The following SPAG16 variants were observed in gnomAD, a reference collection of about 807,000 sequenced individuals.
SPAG16 encodes sperm-associated antigen 16 protein.
A neutral mutation model predicts 80.4 loss-of-function variants in SPAG16; 86 were observed. The ratio of observed to expected loss-of-function variants is 1.07; its 90% CI spans 0.90 to 1.28. SPAG16 has a LOEUF of 1.28. Among genes scored for constraint, SPAG16 ranks in the 50% most tolerant of loss-of-function variants. SPAG16 has a pLI of 0.00. For missense variants in SPAG16, 870 were observed against 765.3 expected (o/e 1.14, Z -1.61); for synonymous variants, 294 against 265.9 (o/e 1.11, Z -1.03).
chr2:213,286,000 C>G, intron 1 of SPAG16: 2 of 1,000,812 alleles, frequency 2.0e-6, no homozygotes, highest in Non-Finnish European at 2.7e-6. Context: ...GAGATTGACA[C>G]AATGAGGTAA....
intron 10 of SPAG16, among the ~76,000 whole-genome samples, chr2:213,756,786 G>T (rs922726942): frequency 6.6e-6 from 1 of 151,832 alleles, no homozygotes; most frequent in African/African-American, 2.4e-5. Flanking sequence ...TTTATATGAA[G>T]AAAGTAAAGC....
At chr2:213,709,867 A>G (rs1436988621) in intron 10 of SPAG16, among the ~76,000 whole-genome samples, 1 of 152,234 alleles carries the variant, frequency 6.6e-6, no homozygotes, top group African/African-American at 2.4e-5. Context: ...CTAAATGCTA[A>G]TCATTAATTC....
intron 15 of SPAG16, among the ~76,000 whole-genome samples, chr2:214,380,321 C>A (rs149968786): frequency 2.3e-4 from 35 of 152,272 alleles, no homozygotes; most frequent in African/African-American, 8.2e-4. Context: ...ATTTGAAAAG[C>A]ATTTCCAGTT....
chr2:213,506,552 C>T (rs943057661), intron 10 of SPAG16, among the ~76,000 whole-genome samples: 2 of 152,122 alleles, frequency 1.3e-5, no homozygotes, highest in African/African-American at 2.4e-5. Flanking sequence ...GATTAGAAAT[C>T]CTTCCTCATC....
intron 13 of SPAG16, among the ~76,000 whole-genome samples, chr2:214,079,622 G>A (rs1233759429): frequency 6.6e-6 from 1 of 152,156 alleles, no homozygotes; most frequent in African/African-American, 2.4e-5. Context: ...GCAGTGCTTA[G>A]GGCAAATTGG....
At chr2:213,481,046 G>A (rs567514307) in intron 9 of SPAG16, among the ~76,000 whole-genome samples, 1 of 152,296 alleles carries the variant, frequency 6.6e-6, no homozygotes, top group Non-Finnish European at 1.5e-5. Context: ...AATATATTAG[G>A]CAGTGAACGC....
intron 10 of SPAG16, among the ~76,000 whole-genome samples, chr2:213,506,779 G>T (rs2074987308): frequency 6.6e-6 from 1 of 152,176 alleles, no homozygotes; most frequent in African/African-American, 2.4e-5. Flanking sequence ...AAAAAGATCA[G>T]AAGTAGGAAT....
chr2:213,835,982 CTGTT>C (rs1486698985), intron 10 of SPAG16, among the ~76,000 whole-genome samples: 5 of 152,192 alleles, frequency 3.3e-5, no homozygotes, highest in African/African-American at 7.2e-5. Context: ...TTGAAAGTAA[CTGTT>C]TGTATATGTT....
intron 15 of SPAG16, among the ~76,000 whole-genome samples, chr2:214,251,882 T>C (rs1690318572): frequency 6.6e-6 from 1 of 152,146 alleles, no homozygotes; most frequent in Non-Finnish European, 1.5e-5. Context: ...GCTGAAAATG[T>C]TAGACGTAAA....
At chr2:213,431,407 A>C (rs569371373) in intron 9 of SPAG16, among the ~76,000 whole-genome samples, 1 of 152,162 alleles carries the variant, frequency 6.6e-6, no homozygotes, top group African/African-American at 2.4e-5. Context: ...TACTGGTAAA[A>C]AAAAAAGATA....
At chr2:214,126,135 GA>G (rs1253399386) in intron 14 of SPAG16, among the ~76,000 whole-genome samples, 25 of 140,474 alleles carry the variant, frequency 1.8e-4, no homozygotes, top group African/African-American at 6.6e-4. Context: ...GTCCCACCTC[GA>G]ATCACGTCTT....
chr2:213,981,702 C>T (rs115502644), intron 12 of SPAG16, among the ~76,000 whole-genome samples: 6,774 of 151,894 alleles, frequency 0.045, 177 homozygotes, highest in South Asian at 0.11. Flanking sequence ...ATGTGAAGAG[C>T]GCAACAAACC....
At chr2:214,329,778 G>A (rs950163156) in intron 15 of SPAG16, among the ~76,000 whole-genome samples, 1 of 152,068 alleles carries the variant, frequency 6.6e-6, no homozygotes, top group Non-Finnish European at 1.5e-5. Flanking sequence ...ATAAATCAAT[G>A]CAACAGTACC....
chr2:213,704,095 A>G (rs1422863662), intron 10 of SPAG16, among the ~76,000 whole-genome samples: 10 of 152,114 alleles, frequency 6.6e-5, no homozygotes, highest in Non-Finnish European at 1.5e-4. Flanking sequence ...GTCTGTGTTT[A>G]TTCACTGGGC....
chr2:214,165,002 T>C (rs552856659), intron 15 of SPAG16, among the ~76,000 whole-genome samples: 1 of 152,274 alleles, frequency 6.6e-6, no homozygotes, highest in African/African-American at 2.4e-5. Flanking sequence ...ATGAGTTTGC[T>C]ACTTTCTAGT....
At chr2:214,254,213 C>G (rs1690511314) in intron 15 of SPAG16, among the ~76,000 whole-genome samples, 1 of 152,108 alleles carries the variant, frequency 6.6e-6, no homozygotes, top group African/African-American at 2.4e-5. Flanking sequence ...TCTAAATATA[C>G]AATCATGTCA....
chr2:213,369,114 A>G (rs1559463329), intron 8 of SPAG16, among the ~76,000 whole-genome samples: 1 of 152,350 alleles, frequency 6.6e-6, no homozygotes, highest in Admixed American at 6.5e-5. Flanking sequence ...TTGTGTATCC[A>G]ATAAAAATAT....
At chr2:214,085,277 C>T (rs1228746633) in intron 13 of SPAG16, among the ~76,000 whole-genome samples, 3 of 151,144 alleles carry the variant, frequency 2.0e-5, no homozygotes, top group Admixed American at 1.3e-4. Context: ...GAGGCTGAGG[C>T]GGGAGAATCA....
chr2:213,774,018 T>A (rs1317182809), intron 10 of SPAG16, among the ~76,000 whole-genome samples: 1 of 152,072 alleles, frequency 6.6e-6, no homozygotes, highest in East Asian at 1.9e-4. Flanking sequence ...GAATCCTCTG[T>A]CTGTTCACTC....
Sources: allele counts gnomAD v4.1 joint callset (sites outside exome capture counted in the v4.1 genomes callset), GRCh38; gene constraint gnomAD v4.1.1; transcripts MANE v1.5; gene names NCBI Gene and HGNC (gene_info 2026-07-23, HGNC 2026-07-21).